The following RORA variants were observed in gnomAD, a reference collection of about 807,000 sequenced individuals.
RORA encodes nuclear receptor ROR-alpha.
RORA carries 7 observed loss-of-function variants against 69.5 expected under a neutral mutation model. That is an observed-to-expected ratio of 0.10 (90% CI 0.06 to 0.19). RORA has a LOEUF of 0.19. Among genes scored for constraint, RORA ranks in the 10% least tolerant of loss-of-function variants. RORA has a pLI of 1.00. For synonymous variants in RORA, 261 were observed against 240.8 expected (o/e 1.08, Z -0.78); for missense variants, 457 against 663.0 (o/e 0.69, Z 3.41).
At chr15:60,939,259 G>T (rs1275839168) in intron 1 of RORA, among the ~76,000 whole-genome samples, 1 of 152,082 alleles carries the variant, frequency 6.6e-6, no homozygotes, top group South Asian at 2.1e-4. Flanking sequence ...CATGAACCAG[G>T]CATTCTTTCA....
chr15:60,842,632 T>C (rs974524990), intron 1 of RORA, among the ~76,000 whole-genome samples: 1 of 152,120 alleles, frequency 6.6e-6, no homozygotes, highest in Admixed American at 6.6e-5. Context: ...TCAAAACCCA[T>C]GCTCTTGACC....
intron 1 of RORA, among the ~76,000 whole-genome samples, chr15:61,169,112 C>T (rs2079563429): frequency 8.2e-6 from 1 of 121,890 alleles, no homozygotes; most frequent in Non-Finnish European, 2.0e-5. Flanking sequence ...GAAGGCAGGG[C>T]TGGCCTGACT....
chr15:60,750,732 T>C (rs1353218853), intron 1 of RORA, among the ~76,000 whole-genome samples: 1 of 152,208 alleles, frequency 6.6e-6, no homozygotes. Context: ...CAGAAATGTA[T>C]TTTCATTTTT....
intron 1 of RORA, among the ~76,000 whole-genome samples, chr15:60,884,054 T>A (rs1484043059): frequency 6.6e-6 from 1 of 152,220 alleles, no homozygotes; most frequent in Non-Finnish European, 1.5e-5. Context: ...TAGCCTCCAG[T>A]GGCCCCCACA....
chr15:60,949,154 A>C (rs1892998257), intron 1 of RORA, among the ~76,000 whole-genome samples: 1 of 152,050 alleles, frequency 6.6e-6, no homozygotes. Flanking sequence ...ACCTTGTTAC[A>C]CCCAGTAGCA....
chr15:60,824,073 C>T (rs545834484), intron 1 of RORA, among the ~76,000 whole-genome samples: 11 of 152,184 alleles, frequency 7.2e-5, no homozygotes, highest in African/African-American at 2.2e-4. Context: ...ACACACAGGC[C>T]GGTGGAATGC....
intron 1 of RORA, among the ~76,000 whole-genome samples, chr15:60,956,752 A>T (rs2140441): frequency 0.3 from 46,080 of 152,000 alleles, 8,066 homozygotes; most frequent in Non-Finnish European, 0.4. Flanking sequence ...TACAATGATT[A>T]CTCTTTCTGT....
intron 2 of RORA, among the ~76,000 whole-genome samples, chr15:60,619,292 G>A (rs2069341392): frequency 6.6e-6 from 1 of 152,182 alleles, no homozygotes; most frequent in African/African-American, 2.4e-5. Context: ...ACAAAGACAA[G>A]TTGTGACTCC....
At chr15:60,915,935 T>A (rs746705535) in intron 1 of RORA, among the ~76,000 whole-genome samples, 28 of 151,956 alleles carry the variant, frequency 1.8e-4, no homozygotes, top group Non-Finnish European at 3.1e-4. Context: ...GCGCTTCACA[T>A]AATAAGGGCT....
intron 1 of RORA, among the ~76,000 whole-genome samples, chr15:61,023,244 T>G (rs1371442616): frequency 1.4e-5 from 2 of 143,754 alleles, no homozygotes; most frequent in Admixed American, 7.0e-5. Flanking sequence ...ATTTTCACAC[T>G]CCTGATAAAG....
At chr15:60,878,011 A>C (rs1305028276) in intron 1 of RORA, among the ~76,000 whole-genome samples, 3 of 152,018 alleles carry the variant, frequency 2.0e-5, no homozygotes, top group Non-Finnish European at 4.4e-5. Flanking sequence ...GGCTGGGAAG[A>C]ATAAGGTGTG....
intron 1 of RORA, among the ~76,000 whole-genome samples, chr15:61,017,478 C>T (rs1003249091): frequency 6.6e-6 from 1 of 152,148 alleles, no homozygotes; most frequent in Non-Finnish European, 1.5e-5. Context: ...ATCTCAAGAA[C>T]ACAAATTGAG....
chr15:61,025,762 A>T (rs1895777633), intron 1 of RORA, among the ~76,000 whole-genome samples: 1 of 152,228 alleles, frequency 6.6e-6, no homozygotes, highest in South Asian at 2.1e-4. Context: ...TGAAGAAAAA[A>T]GTTTGGAAGG....
At chr15:60,816,911 T>G (rs2072825718) in intron 1 of RORA, among the ~76,000 whole-genome samples, 1 of 152,202 alleles carries the variant, frequency 6.6e-6, no homozygotes, top group Non-Finnish European at 1.5e-5. Flanking sequence ...TTTTCTGTTT[T>G]AAATGATACT....
chr15:60,694,282 T>A (rs1362210971), intron 1 of RORA, among the ~76,000 whole-genome samples: 1 of 152,062 alleles, frequency 6.6e-6, no homozygotes, highest in Non-Finnish European at 1.5e-5. Context: ...TAAACTTATT[T>A]CCTCCTCCTC....
chr15:60,540,880 T>A (rs1032387585), intron 2 of RORA, among the ~76,000 whole-genome samples: 2 of 152,100 alleles, frequency 1.3e-5, no homozygotes, highest in Non-Finnish European at 2.9e-5. Context: ...AAAGACAACA[T>A]ATTTATAGTC....
At chr15:60,632,315 G>A (rs1379948215) in intron 2 of RORA, among the ~76,000 whole-genome samples, 4 of 151,958 alleles carry the variant, frequency 2.6e-5, no homozygotes, top group South Asian at 2.1e-4. Context: ...CACCGTGTTA[G>A]CCAGGATGGT....
At chr15:60,962,856 C>A (rs1011951683) in intron 1 of RORA, among the ~76,000 whole-genome samples, 1 of 152,170 alleles carries the variant, frequency 6.6e-6, no homozygotes, top group Admixed American at 6.5e-5. Context: ...CCAAGGAAGT[C>A]ATAGAAAATA....
chr15:61,202,412 T>C (rs1239463741), intron 1 of RORA, among the ~76,000 whole-genome samples: 1 of 152,164 alleles, frequency 6.6e-6, no homozygotes, highest in Admixed American at 6.5e-5. Context: ...TGGGCCTCAA[T>C]AACCTTTTAC....
Sources: gnomAD v4.1 joint callset for allele counts (sites outside exome capture counted in the v4.1 genomes callset) on GRCh38, gnomAD v4.1.1 for gene constraint, MANE v1.5 for transcripts, NCBI Gene and HGNC (gene_info 2026-07-23, HGNC 2026-07-21) for gene names.